Variants in ZC3H12B observed in about 807,000 individuals in gnomAD.
The protein encoded by ZC3H12B is zinc finger CCCH-type containing 12B.
ZC3H12B carries 7 observed loss-of-function variants against 43.9 expected under a neutral mutation model. The observed-to-expected ratio is 0.16, with a 90% CI of 0.09 to 0.30. ZC3H12B has a LOEUF of 0.30. Among genes scored for constraint, ZC3H12B ranks in the 10% least tolerant of loss-of-function variants. The pLI is 1.00. For synonymous variants in ZC3H12B, 222 were observed against 241.7 expected (o/e 0.92, Z 0.76); for missense variants, 475 against 670.2 (o/e 0.71, Z 3.22).
chrX:65,039,704 A>G, the ZC3H12B span, among the ~76,000 whole-genome samples: 1 of 112,069 alleles, frequency 8.9e-6, no homozygotes, highest in African/African-American at 3.2e-5. Context: ...CATATTGGAT[A>G]AACTGCATTT....
chrX:65,437,786 C>T (rs1423230509), intron 3 of ZC3H12B, among the ~76,000 whole-genome samples: 2 of 111,726 alleles, frequency 1.8e-5, no homozygotes, highest in Non-Finnish European at 3.8e-5. Context: ...CTTTTATTGC[C>T]TATGCTTATG....
At chrX:65,498,151 C>T (rs1188730795) in intron 2 of ZC3H12B, among the ~76,000 whole-genome samples, 1 of 111,623 alleles carries the variant, frequency 9.0e-6, no homozygotes, top group African/African-American at 3.3e-5. Flanking sequence ...GCTATCTGCC[C>T]GCCTCAGCCT....
the ZC3H12B span, among the ~76,000 whole-genome samples, chrX:65,349,313 A>G: frequency 1.8e-5 from 2 of 111,904 alleles, no homozygotes; most frequent in Admixed American, 1.9e-4. Context: ...GTTCTTTGAA[A>G]CCAATGAGAA....
At chrX:65,062,318 T>C in the ZC3H12B span, among the ~76,000 whole-genome samples, 1 of 112,315 alleles carries the variant, frequency 8.9e-6, no homozygotes. Context: ...CTTTAATCCA[T>C]CTTGAGGTAA....
the ZC3H12B span, among the ~76,000 whole-genome samples, chrX:65,173,170 T>C: frequency 9.0e-6 from 1 of 111,699 alleles, no homozygotes; most frequent in South Asian, 3.7e-4. Flanking sequence ...GGTATTTGAT[T>C]CTTTTTGTAG....
At chrX:65,173,970 G>A in the ZC3H12B span, among the ~76,000 whole-genome samples, 1 of 111,609 alleles carries the variant, frequency 9.0e-6, no homozygotes, top group Admixed American at 9.5e-5. Context: ...CTTTCTGTTT[G>A]TTAGTTTTTC....
chrX:65,075,093 C>T, the ZC3H12B span, among the ~76,000 whole-genome samples: 1 of 111,977 alleles, frequency 8.9e-6, no homozygotes, highest in African/African-American at 3.2e-5. Context: ...AAGGAAAGAC[C>T]TTCACAAATC....
chrX:65,392,276 T>A (rs780712103), intron 2 of ZC3H12B, among the ~76,000 whole-genome samples: 1 of 108,966 alleles, frequency 9.2e-6, no homozygotes, highest in Non-Finnish European at 1.9e-5. Flanking sequence ...GTCTGGGAAA[T>A]GAGGAGTGCC....
chrX:65,445,157 G>T (rs1469829545), intron 3 of ZC3H12B, among the ~76,000 whole-genome samples: 1 of 111,785 alleles, frequency 8.9e-6, no homozygotes, highest in Admixed American at 9.5e-5. Context: ...TAACTATTTT[G>T]AATTCTCTCT....
At chrX:65,258,148 G>C in the ZC3H12B span, among the ~76,000 whole-genome samples, 2 of 111,075 alleles carry the variant, frequency 1.8e-5, no homozygotes, top group Admixed American at 9.6e-5. Flanking sequence ...CAAAATACTA[G>C]CAAACCAAAT....
At chrX:65,456,114 T>C (rs767480065) in intron 3 of ZC3H12B, among the ~76,000 whole-genome samples, 3 of 111,180 alleles carry the variant, frequency 2.7e-5, no homozygotes, top group South Asian at 3.8e-4. Context: ...CAGGATCAAA[T>C]TCACACATAA....
At chrX:65,410,247 A>G (rs911685133) in intron 3 of ZC3H12B, among the ~76,000 whole-genome samples, 2 of 111,568 alleles carry the variant, frequency 1.8e-5, no homozygotes, top group South Asian at 7.5e-4. Context: ...GTGCAGGAAA[A>G]ACTAGATATC....
chrX:65,502,665 T>C, exon 5 of ZC3H12B: 1 of 1,208,577 alleles, frequency 8.3e-7, no homozygotes, highest in Non-Finnish European at 1.1e-6. Context: ...AAACAGTCAG[T>C]CCCCCACTTA....
At chrX:65,306,594 C>T in the ZC3H12B span, among the ~76,000 whole-genome samples, 1 of 111,237 alleles carries the variant, frequency 9.0e-6, no homozygotes, top group Non-Finnish European at 1.9e-5. Flanking sequence ...AGGCTGCTCT[C>T]GAACTCCTGA....
At chrX:65,164,669 G>A in the ZC3H12B span, among the ~76,000 whole-genome samples, 3 of 111,905 alleles carry the variant, frequency 2.7e-5, no homozygotes, top group African/African-American at 9.7e-5. Context: ...GAAGCAAGGT[G>A]GAGTCAGCTA....
chrX:65,092,730 A>G, the ZC3H12B span, among the ~76,000 whole-genome samples: 2 of 112,311 alleles, frequency 1.8e-5, no homozygotes, highest in African/African-American at 6.5e-5. Flanking sequence ...GTGAGCAAAC[A>G]AATGACATAA....
chrX:65,250,234 G>C, the ZC3H12B span, among the ~76,000 whole-genome samples: 1 of 111,116 alleles, frequency 9.0e-6, no homozygotes, highest in Middle Eastern at 4.2e-3. Context: ...ATGGTTTCCA[G>C]CTTCATCCAT....
exon 5 of ZC3H12B, chrX:65,502,199 C>A: frequency 8.3e-7 from 1 of 1,211,596 alleles, no homozygotes; most frequent in Non-Finnish European, 1.1e-6. Flanking sequence ...CTCCCATTTC[C>A]CCCACCAGAA....
At chrX:65,160,634 A>G in the ZC3H12B span, among the ~76,000 whole-genome samples, 20 of 110,345 alleles carry the variant, frequency 1.8e-4, no homozygotes, top group African/African-American at 5.6e-4. Context: ...TTTTGTGTCT[A>G]TTTGATTTGT....
Sources: gnomAD v4.1 joint callset for allele counts (sites outside exome capture counted in the v4.1 genomes callset) on GRCh38, gnomAD v4.1.1 for gene constraint, MANE v1.5 for transcripts, NCBI Gene and HGNC (gene_info 2026-07-23, HGNC 2026-07-21) for gene names.